CERS6: variants seen among roughly 807,000 people sequenced by gnomAD.
The protein encoded by CERS6 is LAG1 homolog, ceramide synthase 6.
Under a neutral mutation model 56.8 loss-of-function variants are expected in CERS6, and 26 were observed. That is an observed-to-expected ratio of 0.46 (90% CI 0.34 to 0.63). The LOEUF (loss-of-function observed/expected upper bound fraction) is 0.63, where lower values mean the gene tolerates loss of function less well. Ranked by LOEUF, CERS6 falls within the 30% of genes least tolerant of loss-of-function variation. CERS6 has a pLI of 0.01. For missense variants in CERS6, 415 were observed against 467.5 expected, an observed-to-expected ratio of 0.89 and a Z score of 1.04; for synonymous variants, 164 against 173.3, an observed-to-expected ratio of 0.95 and a Z score of 0.42.
At chr2:168,457,064 G>A (rs746345502) in intron 1 of CERS6, among the ~76,000 whole-genome samples, 29 of 152,200 alleles carry the variant, frequency 1.9e-4, no homozygotes, top group Non-Finnish European at 3.4e-4. Context: ...CGCGCGGCCC[G>A]GAGGGAGGAG....
chr2:168,497,867 A>G (rs1211139298), intron 1 of CERS6, among the ~76,000 whole-genome samples: 1 of 152,114 alleles, frequency 6.6e-6, no homozygotes, highest in Admixed American at 6.6e-5. Context: ...TAAAATCGAG[A>G]CTGGAGATGA....
chr2:168,723,187 G>T (rs1683227443), intron 8 of CERS6, among the ~76,000 whole-genome samples: 2 of 152,146 alleles, frequency 1.3e-5, no homozygotes, highest in South Asian at 4.1e-4. Context: ...TGGGGGAAGA[G>T]ACTTTTGTTG....
At chr2:168,468,969 A>G (rs527554679) in intron 1 of CERS6, among the ~76,000 whole-genome samples, 1 of 152,350 alleles carries the variant, frequency 6.6e-6, no homozygotes, top group African/African-American at 2.4e-5. Context: ...CCTCCCAGAA[A>G]TAGGACAGCC....
intron 6 of CERS6, among the ~76,000 whole-genome samples, chr2:168,705,690 A>G (rs938510267): frequency 6.6e-6 from 1 of 152,188 alleles, no homozygotes; most frequent in Admixed American, 6.5e-5. Flanking sequence ...AGACCTTTAT[A>G]GTAAATGGAT....
At chr2:168,609,919 T>TA (rs1282945772) in intron 3 of CERS6, among the ~76,000 whole-genome samples, 1 of 149,854 alleles carries the variant, frequency 6.7e-6, no homozygotes, top group African/African-American at 2.5e-5. Context: ...ACCTTGAAAA[T>TA]AGAGGTAACT....
At position 168,691,020 on chromosome 2, in the gene CERS6, G is replaced by A. The variant is rs545016202; in HGVS notation, c.466-14G>A. Reference sequence around the variant, plus strand: ...TTCTAAAATATGTAAAATATTTTTTGTCATTTTTTTCAGACCCCCTGGTTG... The same window carrying A: ...TTCTAAAATATGTAAAATATTTTTTATCATTTTTTTCAGACCCCCTGGTTG... On this transcript the variant is annotated splice_polypyrimidine_tract_variant and intron_variant, in intron 4 of 9. Coordinates refer to ENST00000305747, the MANE Select transcript of CERS6 (RefSeq NM_203463.3). 1 of 1,610,534 alleles carries A rather than the reference G, an allele frequency of 6.2e-7. No homozygotes were observed. The highest frequency in any genetic ancestry group is 1.3e-5 in the African/African-American group (1 of 74,864).
At chr2:168,472,909 T>C (rs1033279799) in intron 1 of CERS6, among the ~76,000 whole-genome samples, 1 of 152,230 alleles carries the variant, frequency 6.6e-6, no homozygotes, top group African/African-American at 2.4e-5. Context: ...AAAAACCAGA[T>C]ATTTTGAACA....
At chr2:168,732,740 C>CT (rs1380425069) in intron 8 of CERS6, among the ~76,000 whole-genome samples, 2 of 152,120 alleles carry the variant, frequency 1.3e-5, no homozygotes, top group African/African-American at 4.8e-5. Flanking sequence ...TTCTCTCTCC[C>CT]TTTTTTTAAA....
chr2:168,690,986 T>C, intron 4 of CERS6, 48 bp from the exon 5 acceptor site: 1 of 1,540,990 alleles, frequency 6.5e-7, no homozygotes, highest in Non-Finnish European at 9.0e-7. Flanking sequence ...TTTTATCCTC[T>C]TATCCATGTT....
chr2:168,578,668 GTTTTTTC>G (rs1683336522), intron 3 of CERS6, among the ~76,000 whole-genome samples: 1 of 152,072 alleles, frequency 6.6e-6, no homozygotes, highest in South Asian at 2.1e-4. Context: ...TTCTTTTCTA[GTTTTTTC>G]TCTTTATACT....
chr2:168,503,069 A>C (rs1694613472), intron 1 of CERS6, among the ~76,000 whole-genome samples: 1 of 152,070 alleles, frequency 6.6e-6, no homozygotes, highest in Non-Finnish European at 1.5e-5. Flanking sequence ...GGTTTCCCCC[A>C]TGCTTTTCTC....
chr2:168,609,331 A>C (rs1684129742), intron 3 of CERS6, among the ~76,000 whole-genome samples: 1 of 152,200 alleles, frequency 6.6e-6, no homozygotes, highest in Non-Finnish European at 1.5e-5. Flanking sequence ...AAAAAATCTT[A>C]TGATGAAATC....
Position 168,456,905 on chromosome 2 carries a change from A to G in CERS6, c.170+287A>G, listed in dbSNP as rs752545476. 6.6e-6 allele frequency among the ~76,000 whole-genome samples: 1 copy of G among 152,184 alleles called. No individual in the cohort carries two copies. The highest frequency in any genetic ancestry group is 2.4e-5 in the African/African-American group (1 of 41,454). On this transcript the variant is annotated intron_variant, in intron 1 of 9. Coordinates refer to ENST00000305747, the MANE Select transcript of CERS6 (RefSeq NM_203463.3). The surrounding 1 kb of genome is among the most constrained non-coding windows in gnomAD (Gnocchi z 4.1). ...GCCCTGCTCTCCTCCCGGCAAGGGC[A>G]GGCGAACAAAGGTGAGCGGTGGTCG...
At chr2:168,543,566 G>A (rs1237177372) in intron 1 of CERS6, among the ~76,000 whole-genome samples, 1 of 151,910 alleles carries the variant, frequency 6.6e-6, no homozygotes, top group Non-Finnish European at 1.5e-5. Flanking sequence ...ATCTAAATAT[G>A]CTCTCTGAAA....
At chr2:168,583,874 T>A (rs1469433834) in intron 3 of CERS6, among the ~76,000 whole-genome samples, 2 of 152,228 alleles carry the variant, frequency 1.3e-5, no homozygotes, top group East Asian at 3.8e-4. Context: ...ATTCTCTGTT[T>A]GGCGATTATT....
intron 8 of CERS6, among the ~76,000 whole-genome samples, chr2:168,729,950 T>A (rs753427290): frequency 6.6e-6 from 1 of 152,206 alleles, no homozygotes; most frequent in Non-Finnish European, 1.5e-5. Context: ...ATTGATTAGG[T>A]TATGTGCCCA....
chr2:168,772,075 T>C lies in CERS6; in HGVS notation c.*2413T>C, dbSNP rs1156405608. On this transcript the variant is annotated 3_prime_UTR_variant, in exon 10 of 10. Transcript: ENST00000305747. ...TATATCTCTGTCTATAGCTTTCCCA[T>C]GGTAGCCTGATAAGGCTGAGAGAGA... is the stretch of plus-strand genomic sequence containing the variant. 6.6e-6 allele frequency: 1 copy of C among 152,228 alleles called. No homozygotes were observed. The highest frequency in any genetic ancestry group is 2.4e-5 in the African/African-American group (1 of 41,454). 9.4% of individuals were successfully genotyped at this position (152,228 alleles called of 1,614,324 possible).
At chr2:168,743,986 C>CTTTTTTTT in intron 8 of CERS6, among the ~76,000 whole-genome samples, 1 of 59,698 alleles carries the variant, frequency 1.7e-5, no homozygotes, top group Non-Finnish European at 3.2e-5. Flanking sequence ...TTTCTTTTTT[C>CTTTTTTTT]TTTTTTTTCT....
intron 2 of CERS6, among the ~76,000 whole-genome samples, chr2:168,551,802 A>G (rs10209767): frequency 0.093 from 14,213 of 152,264 alleles, 750 homozygotes; most frequent in Middle Eastern, 0.19. Flanking sequence ...AATGAACAGA[A>G]TGATTATTTC....
Sources: allele counts gnomAD v4.1 joint callset (sites outside exome capture counted in the v4.1 genomes callset), GRCh38; gene constraint gnomAD v4.1.1; non-coding constraint Gnocchi (gnomAD v3.1); transcripts MANE v1.5; gene names NCBI Gene and HGNC (gene_info 2026-07-23, HGNC 2026-07-21).